The following STK32A variants were observed in gnomAD, a reference collection of about 807,000 sequenced individuals.
The protein encoded by STK32A is serine/threonine kinase 32A.
In STK32A, 41 loss-of-function variants were observed where a neutral mutation model predicts 53.2. The ratio of observed to expected loss-of-function variants is 0.77; its 90% confidence interval spans 0.60 to 1.00. STK32A has a LOEUF of 1.00. Ranked by LOEUF, STK32A falls within the 50% of genes least tolerant of loss-of-function variation. The pLI, the probability that STK32A is intolerant of heterozygous loss-of-function variation, is 0.00. For synonymous variants in STK32A, 166 were observed against 162.8 expected (o/e 1.02, Z -0.15); for missense variants, 458 against 485.8 (o/e 0.94, Z 0.54).
At chr5:147,263,647 A>T (rs1754681687) in intron 2 of STK32A, among the ~76,000 whole-genome samples, 1 of 152,176 alleles carries the variant, frequency 6.6e-6, no homozygotes, top group Non-Finnish European at 1.5e-5. Flanking sequence ...GATTTAGAAG[A>T]TATATTTAAA....
At chr5:147,393,754 G>C in the STK32A span, 1 of 429,302 alleles carries the variant, frequency 2.3e-6, no homozygotes. Context: ...TCAACACTAT[G>C]ATAGAGCAGA....
At chr5:147,245,323 A>G (rs901120604) in intron 2 of STK32A, among the ~76,000 whole-genome samples, 1 of 152,238 alleles carries the variant, frequency 6.6e-6, no homozygotes, top group Non-Finnish European at 1.5e-5. Flanking sequence ...TATTCTGAGA[A>G]ATAATTAATG....
At chr5:147,331,631 T>C (rs1754877179) in intron 5 of STK32A, among the ~76,000 whole-genome samples, 1 of 152,236 alleles carries the variant, frequency 6.6e-6, no homozygotes, top group Non-Finnish European at 1.5e-5. Context: ...CAGACTGTCA[T>C]CTTTTTTGGA....
chr5:147,270,805 C>T (rs1426097282), intron 2 of STK32A, among the ~76,000 whole-genome samples: 1 of 152,078 alleles, frequency 6.6e-6, no homozygotes, highest in Non-Finnish European at 1.5e-5. Context: ...AGGTGGTGGA[C>T]AAAAAGTTAT....
At chr5:147,370,861 C>T in intron 9 of STK32A, 91 bp downstream of exon 9, 1 of 800,438 alleles carries the variant, frequency 1.2e-6, no homozygotes. Context: ...ATATTGGGGA[C>T]AGTCATGATA....
intron 5 of STK32A, among the ~76,000 whole-genome samples, chr5:147,337,563 G>A (rs911124876): frequency 6.6e-6 from 1 of 152,130 alleles, no homozygotes; most frequent in African/African-American, 2.4e-5. Flanking sequence ...TGAGAAACCA[G>A]GGGGCTGGGA....
intron 8 of STK32A, among the ~76,000 whole-genome samples, chr5:147,362,827 A>G (rs1402903735): frequency 6.6e-6 from 1 of 152,186 alleles, no homozygotes; most frequent in African/African-American, 2.4e-5. Context: ...CATGCCTGTA[A>G]TCCCAACACT....
intron 10 of STK32A, among the ~76,000 whole-genome samples, chr5:147,374,038 C>A (rs1581151570): frequency 6.6e-6 from 1 of 151,988 alleles, no homozygotes; most frequent in Non-Finnish European, 1.5e-5. Flanking sequence ...CTCAGGCCTG[C>A]AATCTCAGCA....
rs145145814 is a variant in STK32A at position 147,344,698 on chromosome 5, C to T, written c.472+1655C>T. On this transcript the variant is annotated intron_variant, in intron 6 of 12. Transcript: ENST00000397936. ...TAGGGAGAAGTGCTCCCCCTGCCCA[C>T]CACAGCTTCCTGACAGCACATGGCC... Among the ~76,000 whole-genome samples, 72 of 152,356 alleles carry T rather than the reference C, an allele frequency of 4.7e-4. No homozygotes were observed. In the East Asian group the frequency reaches 0.014, roughly 29 times the overall value.
intron 7 of STK32A, among the ~76,000 whole-genome samples, chr5:147,352,790 C>T (rs1389707332): frequency 6.6e-6 from 1 of 152,112 alleles, no homozygotes; most frequent in African/African-American, 2.4e-5. Flanking sequence ...GCTAGTCTTT[C>T]TGGGGATCAT....
intron 2 of STK32A, among the ~76,000 whole-genome samples, chr5:147,269,395 T>C: frequency 6.6e-6 from 1 of 152,172 alleles, no homozygotes; most frequent in East Asian, 1.9e-4. Flanking sequence ...GAGCAATGTC[T>C]TGGAAAGCCT....
the STK32A span, chr5:147,401,886 T>A: frequency 1.9e-6 from 1 of 526,064 alleles, no homozygotes; most frequent in Non-Finnish European, 3.1e-6. Context: ...CAAGTTTGTA[T>A]TCTCTAGATT....
chr5:147,249,908 C>CGAA lies in STK32A; in HGVS notation c.52+10222_52+10223insGAA, dbSNP rs1554099042. Among the ~76,000 whole-genome samples the CGAA allele has an allele frequency of 2.0e-3, 117 of 58,578 alleles. 2 individuals carry two copies. The highest frequency in any genetic ancestry group is 7.5e-3 in the African/African-American group (112 of 14,852). The allele number at this position is 58,578 out of a possible 152,430, so 38.4% of individuals were successfully genotyped here. A position where few individuals can be genotyped will look rare whatever the true frequency, so the allele number is the denominator to read the frequency against. On this transcript the variant is annotated intron_variant, in intron 2 of 12. Transcript: ENST00000397936. ...TGGGCAACAGAGTAAGCCTCTGTCT[C>CGAA]AAAAAAAAAAAAAAAAAAAAAAAAG...
intron 5 of STK32A, among the ~76,000 whole-genome samples, chr5:147,335,464 G>A (rs1220847973): frequency 2.0e-5 from 3 of 152,078 alleles, no homozygotes; most frequent in Admixed American, 1.3e-4. Context: ...TTTCCATGTG[G>A]CCACTTCATC....
At chr5:147,259,634 G>T (rs948584564) in intron 2 of STK32A, among the ~76,000 whole-genome samples, 1 of 152,012 alleles carries the variant, frequency 6.6e-6, no homozygotes, top group Non-Finnish European at 1.5e-5. Flanking sequence ...ACGTTGGTGT[G>T]CTGCACCCAT....
At chr5:147,368,852 A>G (rs1756885739) in intron 8 of STK32A, among the ~76,000 whole-genome samples, 1 of 152,182 alleles carries the variant, frequency 6.6e-6, no homozygotes, top group Non-Finnish European at 1.5e-5. Flanking sequence ...ATTTGTTTAT[A>G]AAATCATTTT....
At chr5:147,335,676 A>G (rs897559331) in intron 5 of STK32A, among the ~76,000 whole-genome samples, 3 of 152,352 alleles carry the variant, frequency 2.0e-5, no homozygotes, top group East Asian at 3.9e-4. Context: ...CCCTGAACCA[A>G]TAACAGGGCC....
chr5:147,311,537 T>C (rs111820981), intron 4 of STK32A, among the ~76,000 whole-genome samples: 1 of 152,164 alleles, frequency 6.6e-6, no homozygotes, highest in Non-Finnish European at 1.5e-5. Context: ...TATAATGCAA[T>C]GCAGCCATCT....
intron 4 of STK32A, among the ~76,000 whole-genome samples, chr5:147,297,303 C>G (rs1292040288): frequency 6.6e-6 from 1 of 152,164 alleles, no homozygotes; most frequent in Non-Finnish European, 1.5e-5. Context: ...GCCCTATATG[C>G]CCCACAGATA....
Sources: gnomAD v4.1 joint callset for allele counts (sites outside exome capture counted in the v4.1 genomes callset) on GRCh38, gnomAD v4.1.1 for gene constraint, MANE v1.5 for transcripts, NCBI Gene and HGNC (gene_info 2026-07-23, HGNC 2026-07-21) for gene names.